ANXA10: variants seen among roughly 807,000 people sequenced by gnomAD.
The protein encoded by ANXA10 is annexin A10, also known as annexin 14.
ANXA10 carries 49 observed loss-of-function variants against 53.5 expected under a neutral mutation model. The observed-to-expected ratio is 0.92, with a 90% CI of 0.73 to 1.16. The LOEUF is 1.16. ANXA10 is among the 50% of genes most tolerant of loss of function. The pLI is 0.00. For synonymous variants in ANXA10, 131 were observed against 128.9 expected (o/e 1.02, Z -0.11); for missense variants, 393 against 394.4 (o/e 1.00, Z 0.03).
chr4:168,186,816 C>T (rs1256894700), intron 11 of ANXA10, among the ~76,000 whole-genome samples: 1 of 151,996 alleles, frequency 6.6e-6, no homozygotes, highest in Non-Finnish European at 1.5e-5. Flanking sequence ...CTATAAAGTA[C>T]ACAAACTACC....
chr4:168,167,404 A>G (rs946271474), intron 6 of ANXA10, among the ~76,000 whole-genome samples: 1 of 152,178 alleles, frequency 6.6e-6, no homozygotes, highest in African/African-American at 2.4e-5. Flanking sequence ...AGGCTACTGC[A>G]AGTGTTCTGA....
At position 168,114,454 on chromosome 4, in the gene ANXA10, TTGAC is replaced by T. The variant is rs756275720; in HGVS notation, c.19-13628_19-13625del. Among the ~76,000 whole-genome samples, 85 of 152,188 alleles carry T rather than the reference TTGAC, an allele frequency of 5.6e-4. 1 individual carries two copies. The highest frequency in any genetic ancestry group is 1.0e-3 in the Non-Finnish European group (68 of 68,032). Reference sequence around the variant, plus strand: ...TTGAAACTCTATGTTTTCATGTCATTTGACTAATTAGTTTAAGGAACATGCAGCC... The same window carrying T: ...TTGAAACTCTATGTTTTCATGTCATTTAATTAGTTTAAGGAACATGCAGCC... On this transcript the variant is annotated intron_variant, in intron 1 of 11. Coordinates refer to ENST00000359299, the MANE Select transcript of ANXA10 (RefSeq NM_007193.5).
chr4:168,099,476 A>C (rs1034597321), intron 1 of ANXA10, among the ~76,000 whole-genome samples: 129 of 152,274 alleles, frequency 8.5e-4, no homozygotes, highest in African/African-American at 3.0e-3. Flanking sequence ...CAGTGAATAC[A>C]GTAGTCCCTT....
intron 2 of ANXA10, among the ~76,000 whole-genome samples, chr4:168,130,952 G>A (rs886130506): frequency 6.6e-6 from 1 of 151,410 alleles, no homozygotes; most frequent in Admixed American, 6.6e-5. Context: ...ACCAGCTTTT[G>A]GTGCCATGGA....
intron 6 of ANXA10, among the ~76,000 whole-genome samples, chr4:168,175,705 G>A (rs896877939): frequency 6.6e-6 from 1 of 152,130 alleles, no homozygotes; most frequent in Admixed American, 6.6e-5. Context: ...TAGTCTCTTG[G>A]TATTTTAAGC....
intron 2 of ANXA10, among the ~76,000 whole-genome samples, chr4:168,128,558 T>C (rs1395111602): frequency 6.6e-6 from 1 of 152,176 alleles, no homozygotes; most frequent in Non-Finnish European, 1.5e-5. Flanking sequence ...AACTTTTTGC[T>C]ATTCCCCCAA....
At chr4:168,171,827 T>C (rs1158645753) in intron 6 of ANXA10, among the ~76,000 whole-genome samples, 1 of 152,210 alleles carries the variant, frequency 6.6e-6, no homozygotes, top group Non-Finnish European at 1.5e-5. Context: ...AGAGATTAAT[T>C]AATCAATATG....
rs947892250 is a variant in ANXA10 at position 168,092,616 on chromosome 4, C to G, written c.-85C>G. The G allele has an allele frequency of 8.2e-6, 11 of 1,348,370 alleles. No individual in the cohort carries two copies. The African/African-American group carries it at 1.6e-4, about 20-fold the overall frequency. The allele number at this position is 1,348,370 out of a possible 1,614,324, so 83.5% of individuals were successfully genotyped here. A position where few individuals can be genotyped will look rare whatever the true frequency, so the allele number is the denominator to read the frequency against. On this transcript the variant is annotated 5_prime_UTR_variant, in exon 1 of 12. Coordinates refer to ENST00000359299, the MANE Select transcript of ANXA10 (RefSeq NM_007193.5). The stretch of plus-strand genomic sequence containing the variant: ...ATTTACATTTGATTTAACAGTGAAC[C>G]TTAATTCTTTCTGGCTTCACAGTGA...
intron 1 of ANXA10, chr4:168,127,606 CTA>C (rs1731089177): frequency 5.6e-6 from 1 of 178,194 alleles, no homozygotes; most frequent in African/African-American, 2.4e-5. Context: ...CATTTTTTTA[CTA>C]TTGGTTTTGG....
intron 1 of ANXA10, among the ~76,000 whole-genome samples, chr4:168,104,771 T>G (rs1173696848): frequency 6.6e-6 from 1 of 151,900 alleles, no homozygotes; most frequent in African/African-American, 2.4e-5. Flanking sequence ...ATCAATTTCA[T>G]TGTTGTCCAA....
chr4:168,115,289 C>G (rs972238487), intron 1 of ANXA10, among the ~76,000 whole-genome samples: 10 of 152,130 alleles, frequency 6.6e-5, no homozygotes, highest in Non-Finnish European at 1.3e-4. Flanking sequence ...TACCTTCACT[C>G]CCCCAAAATA....
intron 1 of ANXA10, among the ~76,000 whole-genome samples, chr4:168,119,407 C>T (rs895645627): frequency 6.6e-6 from 1 of 152,104 alleles, no homozygotes; most frequent in African/African-American, 2.4e-5. Flanking sequence ...TTTAGCACAC[C>T]TTCTCATATA....
rs1424012088 is a variant in ANXA10 at position 168,183,016 on chromosome 4, AAAAAAAAAAAAAAGAAAAAAGAAAAG to A, written c.783+1281_783+1306del. On this transcript the variant is annotated intron_variant, in intron 10 of 11. Coordinates refer to ENST00000359299, the MANE Select transcript of ANXA10 (RefSeq NM_007193.5). The stretch of plus-strand genomic sequence containing the variant: ...GAGCGAGACACCGTCTCGGAAAAAA[AAAAAAAAAAAAAAGAAAAAAGAAAAG>A]AAAAAGAAAGTCTCATAGAGATAAT... Among the ~76,000 whole-genome samples, 12 of 83,516 alleles carry A rather than the reference AAAAAAAAAAAAAAGAAAAAAGAAAAG, an allele frequency of 1.4e-4. No individual in the cohort carries two copies. In the East Asian group the frequency reaches 2.3e-3, roughly 16 times the overall value. The allele number at this position is 83,516 out of a possible 152,430, so 54.8% of individuals were successfully genotyped here. A position where few individuals can be genotyped will look rare whatever the true frequency, so the allele number is the denominator to read the frequency against.
At chr4:168,140,679 C>T (rs1317052019) in intron 3 of ANXA10, among the ~76,000 whole-genome samples, 6 of 151,420 alleles carry the variant, frequency 4.0e-5, no homozygotes, top group Non-Finnish European at 8.8e-5. Context: ...AGTGCAATGG[C>T]GTGATCTCAT....
At chr4:168,177,309 C>G (rs933234233) in intron 6 of ANXA10, among the ~76,000 whole-genome samples, 3 of 152,110 alleles carry the variant, frequency 2.0e-5, no homozygotes, top group African/African-American at 7.2e-5. Flanking sequence ...AAAGTCTGAG[C>G]TTCATTACTA....
chr4:168,093,983 A>C (rs952668124), intron 1 of ANXA10, among the ~76,000 whole-genome samples: 4 of 152,150 alleles, frequency 2.6e-5, no homozygotes, highest in Non-Finnish European at 5.9e-5. Context: ...CAGAGAAAAA[A>C]AGGTATCAAG....
chr4:168,112,368 C>T (rs770099124), intron 1 of ANXA10, among the ~76,000 whole-genome samples: 10 of 152,020 alleles, frequency 6.6e-5, no homozygotes, highest in Non-Finnish European at 1.3e-4. Context: ...GTAAATGTGA[C>T]TTCATTATTT....
At chr4:168,133,834 AT>A (rs561115189) in intron 2 of ANXA10, among the ~76,000 whole-genome samples, 3 of 152,134 alleles carry the variant, frequency 2.0e-5, no homozygotes, top group Non-Finnish European at 4.4e-5. Context: ...ACAAAATAAA[AT>A]TTGATAAAAT....
rs113117091 is a variant in ANXA10 at position 168,111,745 on chromosome 4, T to C, written c.19-16339T>C. Among the ~76,000 whole-genome samples the C allele has an allele frequency of 2.6e-3, 395 of 152,356 alleles. 1 individual carries two copies. The highest frequency in any genetic ancestry group is 9.2e-3 in the African/African-American group (384 of 41,586). ...TATAATGCCTCCTTCATCTCTAGAA[T>C]GTCATGCTTTGCAAAATATACTTAT... On this transcript the variant is annotated intron_variant, in intron 1 of 11. Coordinates refer to ENST00000359299, the MANE Select transcript of ANXA10 (RefSeq NM_007193.5).
Sources: gnomAD v4.1 joint callset for allele counts (sites outside exome capture counted in the v4.1 genomes callset) on GRCh38, gnomAD v4.1.1 for gene constraint, MANE v1.5 for transcripts, NCBI Gene and HGNC (gene_info 2026-07-23, HGNC 2026-07-21) for gene names.